The following EYS variants were observed in gnomAD, a reference collection of about 807,000 sequenced individuals.
The protein encoded by EYS is protein eyes shut homolog.
Under a neutral mutation model 282.1 loss-of-function variants are expected in EYS, and 250 were observed. The ratio of observed to expected loss-of-function variants is 0.89; its 90% confidence interval spans 0.80 to 0.98. The LOEUF (loss-of-function observed/expected upper bound fraction) is 0.98. Among genes scored for constraint, EYS ranks in the 50% least tolerant of loss-of-function variants. The probability of loss-of-function intolerance (pLI) is 0.00; values close to 1 mark genes in which losing one functional copy is unlikely to be tolerated. For synonymous variants in EYS, 1,355 were observed against 1,282.9 expected, an observed-to-expected ratio of 1.06 and a Z score of -1.20; for missense variants, 4,016 against 3,709.0, an observed-to-expected ratio of 1.08 and a Z score of -2.15.
At chr6:64,283,859 C>A (rs933857580) in intron 30 of EYS, among the ~76,000 whole-genome samples, 1 of 152,076 alleles carries the variant, frequency 6.6e-6, no homozygotes, top group Non-Finnish European at 1.5e-5. Context: ...CCCATCAGAT[C>A]TCATGAGACT....
At chr6:65,377,605 T>TA (rs553334534) in intron 8 of EYS, among the ~76,000 whole-genome samples, 2 of 151,130 alleles carry the variant, frequency 1.3e-5, no homozygotes, top group South Asian at 2.1e-4. Context: ...TTGAAAAGAT[T>TA]AAAAAAATAG....
intron 22 of EYS, among the ~76,000 whole-genome samples, chr6:64,640,815 C>A (rs1582986252): frequency 1.3e-5 from 2 of 152,128 alleles, no homozygotes; most frequent in African/African-American, 2.4e-5. Flanking sequence ...GCTTTGTATT[C>A]TTTTCTCGTT....
intron 12 of EYS, among the ~76,000 whole-genome samples, chr6:65,231,461 G>T (rs1307516641): frequency 2.0e-5 from 3 of 151,464 alleles, no homozygotes; most frequent in African/African-American, 7.3e-5. Context: ...ATTGGGGAGA[G>T]ACTCTTTACC....
At chr6:63,990,868 C>T (rs1233512069) in intron 34 of EYS, among the ~76,000 whole-genome samples, 1 of 151,702 alleles carries the variant, frequency 6.6e-6, no homozygotes, top group East Asian at 1.9e-4. Context: ...ATACAGAAGA[C>T]AGAGGCTGGT....
chr6:64,243,235 A>G (rs898919910), intron 30 of EYS, among the ~76,000 whole-genome samples: 4 of 152,054 alleles, frequency 2.6e-5, no homozygotes, highest in African/African-American at 9.7e-5. Context: ...ATACAAATAC[A>G]TATCATACCC....
chr6:63,729,339 A>G (rs1424786293), intron 41 of EYS, among the ~76,000 whole-genome samples: 2 of 152,000 alleles, frequency 1.3e-5, no homozygotes, highest in Non-Finnish European at 2.9e-5. Context: ...CTAATTTATC[A>G]ATTTTTTTCT....
intron 24 of EYS, among the ~76,000 whole-genome samples, chr6:64,598,517 T>C (rs975152173): frequency 3.3e-5 from 5 of 152,160 alleles, no homozygotes; most frequent in South Asian, 2.1e-4. Flanking sequence ...ATATAGTAAT[T>C]TCTATGAAAC....
At chr6:64,013,201 A>G (rs979015635) in intron 33 of EYS, among the ~76,000 whole-genome samples, 1 of 152,190 alleles carries the variant, frequency 6.6e-6, no homozygotes, top group Non-Finnish European at 1.5e-5. Flanking sequence ...TCAAGGGAAC[A>G]TACAACCAGC....
chr6:64,764,396 G>A (rs1008298562), intron 22 of EYS, among the ~76,000 whole-genome samples: 2 of 152,246 alleles, frequency 1.3e-5, no homozygotes, highest in African/African-American at 4.8e-5. Context: ...AGCCTGAGAT[G>A]TATGTTGGCC....
chr6:64,590,976 G>T lies in EYS; in HGVS notation c.4891C>A (p.Pro1631Thr). Residue 1631 changes from proline (P) to threonine (T), a missense_variant, in exon 26 of 43, where the codon CCT becomes ACT. Physicochemically the swap from Pro to Thr is conservative, Grantham distance 38. Coordinates refer to ENST00000503581, the MANE Select transcript of EYS (RefSeq NM_001142800.2). ...GTTCTTTTTGCACTCTTTTTAGAAG[G>T]AAATAAAGATGGCACTTCTGTGAAT... ...VAFTEVPSLF[P>T]SKKSAKRTIL... 6.4e-7 allele frequency: 1 copy of T among 1,551,230 alleles called. No homozygotes were observed. The highest frequency in any genetic ancestry group is 8.7e-7 in the Non-Finnish European group (1 of 1,146,748).
At chr6:64,982,472 G>A (rs562154707) in intron 14 of EYS, among the ~76,000 whole-genome samples, 1 of 151,236 alleles carries the variant, frequency 6.6e-6, no homozygotes. Context: ...AGTAGGATCT[G>A]TCATGCACAT....
intron 8 of EYS, among the ~76,000 whole-genome samples, chr6:65,380,493 T>C (rs1372965243): frequency 6.6e-6 from 1 of 152,106 alleles, no homozygotes; most frequent in Non-Finnish European, 1.5e-5. Flanking sequence ...AAGACGTAAA[T>C]GTAAAATTTA....
intron 22 of EYS, among the ~76,000 whole-genome samples, chr6:64,726,563 G>T (rs953397737): frequency 6.6e-6 from 1 of 152,046 alleles, no homozygotes; most frequent in Non-Finnish European, 1.5e-5. Context: ...GATAGAAAAA[G>T]AAGAGATTCA....
chr6:63,952,991 C>A (rs1765664117), intron 35 of EYS, among the ~76,000 whole-genome samples: 1 of 152,228 alleles, frequency 6.6e-6, no homozygotes, highest in Non-Finnish European at 1.5e-5. Context: ...AAAAACTGGA[C>A]AAGTCTTACA....
intron 22 of EYS, among the ~76,000 whole-genome samples, chr6:64,734,865 C>A (rs1772131176): frequency 6.6e-6 from 1 of 152,062 alleles, no homozygotes; most frequent in Non-Finnish European, 1.5e-5. Context: ...TATATAGTGA[C>A]ATTCTCATTA....
intron 14 of EYS, among the ~76,000 whole-genome samples, chr6:64,995,449 A>G (rs1771220733): frequency 1.3e-5 from 2 of 152,076 alleles, no homozygotes; most frequent in Non-Finnish European, 2.9e-5. Flanking sequence ...ACATTATCAA[A>G]CCTGAGGGTA....
chr6:63,859,046 A>G (rs573642048), intron 36 of EYS, among the ~76,000 whole-genome samples: 1 of 118,294 alleles, frequency 8.5e-6, no homozygotes, highest in South Asian at 2.6e-4. Context: ...AAAGAAAATT[A>G]ATTTTGATTT....
chr6:64,097,395 C>T (rs918060506), intron 31 of EYS, among the ~76,000 whole-genome samples: 1 of 152,172 alleles, frequency 6.6e-6, no homozygotes, highest in Non-Finnish European at 1.5e-5. Context: ...CTGCGGTGGC[C>T]TCCACCCAGT....
chr6:65,285,025 G>A (rs1768321450), intron 12 of EYS, among the ~76,000 whole-genome samples: 1 of 151,358 alleles, frequency 6.6e-6, no homozygotes, highest in Non-Finnish European at 1.5e-5. Context: ...ATGTTTTCTG[G>A]CTATGTTTTT....
Sources: allele counts gnomAD v4.1 joint callset (sites outside exome capture counted in the v4.1 genomes callset), GRCh38; gene constraint gnomAD v4.1.1; transcripts MANE v1.5; gene names NCBI Gene and HGNC (gene_info 2026-07-23, HGNC 2026-07-21).